The following ZNF536 variants were observed in gnomAD, a reference collection of about 807,000 sequenced individuals.
ZNF536 encodes the protein zinc finger protein 536.
Under a neutral mutation model 84.5 loss-of-function variants are expected in ZNF536, and 13 were observed. The observed-to-expected ratio is 0.15, with a 90% CI of 0.10 to 0.24. ZNF536 has a LOEUF of 0.24. ZNF536 is among the 10% of genes least tolerant of loss of function. The pLI, the probability that ZNF536 is intolerant of heterozygous loss-of-function variation, is 1.00. For synonymous variants in ZNF536, 811 were observed against 742.5 expected (o/e 1.09, Z -1.50); for missense variants, 1,536 against 1,747.5 (o/e 0.88, Z 2.16).
At chr19:30,295,685 G>A (rs2045975116) in intron 2 of ZNF536, among the ~76,000 whole-genome samples, 1 of 152,114 alleles carries the variant, frequency 6.6e-6, no homozygotes, top group East Asian at 1.9e-4. Flanking sequence ...GTCATTCCGT[G>A]CACATCTGTT....
rs1338292240 is a variant in ZNF536 at position 30,444,246 on chromosome 19, G to A, written c.684G>A (p.Pro228=). 1 of 1,546,472 alleles carries A rather than the reference G, an allele frequency of 6.5e-7. No individual in the cohort carries two copies. Among genetic ancestry groups the A allele is most frequent in the South Asian group, 1.2e-5 (1 of 85,422 alleles). The change falls in exon 2 of 5, where the codon CCG becomes CCA. Residue 228 remains proline (P), a synonymous_variant. Coordinates refer to ENST00000355537, the MANE Select transcript of ZNF536 (RefSeq NM_014717.3). Reference sequence around the variant, plus strand: ...CCCGGCCGGACCTGAAGCCCCCGCCGCACGCCCAGCAGGCCCCGCTGGCCG... The same window carrying A: ...CCCGGCCGGACCTGAAGCCCCCGCCACACGCCCAGCAGGCCCCGCTGGCCG... ...LQPRPDLKPP[P]HAQQAPLAAC...
At chr19:30,375,593 G>T (rs1545037) in intron 1 of ZNF536, among the ~76,000 whole-genome samples, 76,111 of 152,094 alleles carry the variant, frequency 0.5, 21,729 homozygotes, top group Non-Finnish European at 0.62. Flanking sequence ...GGGACTTGGG[G>T]TGTGAGTGCC....
chr19:30,487,616 T>A (rs2054351716), intron 2 of ZNF536, among the ~76,000 whole-genome samples: 2 of 152,190 alleles, frequency 1.3e-5, no homozygotes, highest in South Asian at 4.1e-4. Flanking sequence ...TAAAATTTTT[T>A]AAGAAAATTA....
intron 2 of ZNF536, among the ~76,000 whole-genome samples, chr19:30,516,109 G>A (rs573581425): frequency 3.0e-4 from 45 of 151,582 alleles, no homozygotes; most frequent in Non-Finnish European, 5.2e-4. Flanking sequence ...ATCCTACATA[G>A]GCCCAGAGAT....
At chr19:30,563,960 A>T (rs2046263766) in intron 1 of ZNF536, among the ~76,000 whole-genome samples, 1 of 152,190 alleles carries the variant, frequency 6.6e-6, no homozygotes, top group African/African-American at 2.4e-5. Context: ...GGGATGGGAC[A>T]GCAGGGAGGC....
intron 1 of ZNF536, among the ~76,000 whole-genome samples, chr19:30,633,145 C>G (rs903362802): frequency 1.3e-5 from 2 of 152,190 alleles, no homozygotes; most frequent in Non-Finnish European, 2.9e-5. Flanking sequence ...ATCTTAGATA[C>G]TGGAATGAAA....
rs541434353 is a variant in ZNF536, at chr19:30,510,198, G to C, written c.2171-24649G>C. Among the ~76,000 whole-genome samples the C allele has an allele frequency of 5.3e-5, 8 of 152,282 alleles. No individual in the cohort carries two copies. In the East Asian group the frequency reaches 1.5e-3, roughly 29 times the overall value. Reference sequence around the variant, plus strand: ...TTTCCGATTACTAACTATGCAGCCAGGTGCTTGTTTGTTATGAGAAAGGCA... The same window carrying C: ...TTTCCGATTACTAACTATGCAGCCACGTGCTTGTTTGTTATGAGAAAGGCA... On this transcript the variant is annotated intron_variant, in intron 2 of 4. Transcript: ENST00000355537.
intron 1 of ZNF536, among the ~76,000 whole-genome samples, chr19:30,442,254 C>T (rs1394407735): frequency 6.6e-6 from 1 of 152,208 alleles, no homozygotes; most frequent in Non-Finnish European, 1.5e-5. Context: ...GGGCTGTTTC[C>T]TCTGCCCTCC....
chr19:30,300,045 C>T lies in ZNF536; in HGVS notation c.-120+15904C>T, dbSNP rs1014954992. Among the ~76,000 whole-genome samples, 2 of 152,100 alleles carry T rather than the reference C, an allele frequency of 1.3e-5. 1 individual carries two copies. Among genetic ancestry groups the T allele is most frequent in the South Asian group, 4.2e-4 (2 of 4,812 alleles). On this transcript the variant is annotated intron_variant, in intron 2 of 5. Coordinates refer to the ZNF536 transcript ENST00000585628. Reference sequence around the variant, plus strand: ...ACTTTTCAGACGAGGCAAAACCTTTCGGCACCAAATATTGGAAATGGCATT... The same window carrying T: ...ACTTTTCAGACGAGGCAAAACCTTTTGGCACCAAATATTGGAAATGGCATT...
intron 3 of ZNF536, among the ~76,000 whole-genome samples, chr19:30,536,066 C>T (rs980254473): frequency 3.3e-5 from 5 of 152,120 alleles, no homozygotes; most frequent in African/African-American, 1.2e-4. Flanking sequence ...ATCCTGCATG[C>T]CTCTCTTGGA....
intron 2 of ZNF536, among the ~76,000 whole-genome samples, chr19:30,452,186 T>A (rs2052638397): frequency 6.6e-6 from 1 of 152,214 alleles, no homozygotes; most frequent in Admixed American, 6.5e-5. Context: ...AGCTGGGAAA[T>A]GATGCCCACT....
intron 2 of ZNF536, among the ~76,000 whole-genome samples, chr19:30,294,178 A>G (rs2045927248): frequency 6.6e-6 from 1 of 152,154 alleles, no homozygotes; most frequent in Non-Finnish European, 1.5e-5. Flanking sequence ...TGTGGCCCCC[A>G]ACACAGAGGA....
intron 1 of ZNF536, among the ~76,000 whole-genome samples, chr19:30,423,077 C>A (rs1600671444): frequency 8.6e-6 from 1 of 116,440 alleles, no homozygotes; most frequent in South Asian, 3.4e-4. Flanking sequence ...TCCCACCCAC[C>A]CATCCCTCCC....
intron 2 of ZNF536, among the ~76,000 whole-genome samples, chr19:30,449,131 TC>T (rs1195419188): frequency 2.0e-5 from 3 of 152,318 alleles, no homozygotes; most frequent in African/African-American, 7.2e-5. Context: ...ACAAAACTAG[TC>T]ACACAGATCA....
At chr19:30,361,226 C>G (rs913116501) in intron 3 of ZNF536, among the ~76,000 whole-genome samples, 4 of 152,248 alleles carry the variant, frequency 2.6e-5, no homozygotes, top group African/African-American at 4.8e-5. Context: ...CCATTCGGCA[C>G]CCGACGGGAG....
chr19:30,414,216 T>A (rs1489777417), intron 1 of ZNF536, among the ~76,000 whole-genome samples: 1 of 152,084 alleles, frequency 6.6e-6, no homozygotes, highest in Non-Finnish European at 1.5e-5. Context: ...TTTGTATATA[T>A]CTTTTCCATT....
intron 1 of ZNF536, among the ~76,000 whole-genome samples, chr19:30,636,891 G>A (rs748880268): frequency 4.6e-4 from 70 of 152,082 alleles, no homozygotes; most frequent in Admixed American, 1.2e-3. Context: ...CCCTGGTTTC[G>A]AACAGAGTCC....
At chr19:30,624,420 A>C (rs2048601545) in intron 1 of ZNF536, among the ~76,000 whole-genome samples, 1 of 152,168 alleles carries the variant, frequency 6.6e-6, no homozygotes, top group Non-Finnish European at 1.5e-5. Flanking sequence ...GCCCAGAATG[A>C]TCTAACAGTG....
At chr19:30,658,039 T>A (rs1044757895) in intron 1 of ZNF536, among the ~76,000 whole-genome samples, 1 of 148,988 alleles carries the variant, frequency 6.7e-6, no homozygotes, top group African/African-American at 2.4e-5. Flanking sequence ...TTTTTTTTCC[T>A]TCAGATCGTG....
Sources: allele counts gnomAD v4.1 joint callset (sites outside exome capture counted in the v4.1 genomes callset), GRCh38; gene constraint gnomAD v4.1.1; transcripts MANE v1.5; gene names NCBI Gene and HGNC (gene_info 2026-07-23, HGNC 2026-07-21).